Variants in TUT7 observed in about 807,000 individuals in gnomAD.
TUT7 encodes terminal uridylyltransferase 7.
A neutral mutation model predicts 165.9 loss-of-function variants in TUT7; 33 were observed. The observed-to-expected ratio is 0.20, with a 90% CI of 0.15 to 0.27. The LOEUF is 0.27. TUT7 is among the 10% of genes least tolerant of loss of function. The pLI, the probability that TUT7 is intolerant of heterozygous loss-of-function variation, is 1.00. For missense variants in TUT7, 1,338 were observed against 1,762.3 expected, an observed-to-expected ratio of 0.76 and a Z score of 4.31; for synonymous variants, 552 against 608.1, an observed-to-expected ratio of 0.91 and a Z score of 1.36.
At chr9:86,299,337 C>T (rs1158243218) in intron 26 of TUT7, among the ~76,000 whole-genome samples, 1 of 74,574 alleles carries the variant, frequency 1.3e-5, no homozygotes. Context: ...TGTTTTCAAA[C>T]TTTCACAGAG....
At position 86,331,552 on chromosome 9, in the gene TUT7, T is replaced by C. The variant is rs2131501642; in HGVS notation, c.1456-3060A>G. Reference sequence around the variant, plus strand: ...TGCAAACATTTACGATTGTTTTGTCTTCCCAATGAATTGACCCTACCCTAA... The same window carrying C: ...TGCAAACATTTACGATTGTTTTGTCCTCCCAATGAATTGACCCTACCCTAA... On this transcript the variant is annotated intron_variant, in intron 10 of 26. Coordinates refer to ENST00000375963, the MANE Select transcript of TUT7 (RefSeq NM_024617.4). 2.6e-5 allele frequency among the ~76,000 whole-genome samples: 4 copies of C among 152,338 alleles called. No homozygotes were observed. In the South Asian group the frequency reaches 8.3e-4, roughly 32 times the overall value.
chr9:86,298,914 AGCTGAAATAAG>A, intron 26 of TUT7: 1 of 638,340 alleles, frequency 1.6e-6, no homozygotes, highest in Non-Finnish European at 1.9e-6. Flanking sequence ...ATCCAAGGAG[AGCTGAAATAAG>A]GCATGTGGGT....
At chr9:86,345,809 A>G in intron 3 of TUT7, 24 bp from the exon 4 acceptor site, 1 of 1,494,590 alleles carries the variant, frequency 6.7e-7, no homozygotes, top group Admixed American at 1.8e-5. Flanking sequence ...AGATTTATTT[A>G]GAGAGAGACA....
chr9:86,326,050 C>T (rs890524730), intron 11 of TUT7, among the ~76,000 whole-genome samples: 4 of 152,232 alleles, frequency 2.6e-5, no homozygotes, highest in African/African-American at 7.2e-5. Context: ...ACTGGTTTTA[C>T]AGTTACAGAC....
At chr9:86,317,491 G>A (rs927723065) in intron 16 of TUT7, among the ~76,000 whole-genome samples, 1 of 152,042 alleles carries the variant, frequency 6.6e-6, no homozygotes, top group East Asian at 1.9e-4. Context: ...ATTGTTTTTG[G>A]GTGTGCAACA....
Position 86,323,529 on chromosome 9 carries a change from C to T in TUT7, c.2221G>A (p.Val741Ile), listed in dbSNP as rs934612334. 1.9e-6 allele frequency: 3 copies of T among 1,614,068 alleles called. No homozygotes were observed. Among genetic ancestry groups the T allele is most frequent in the African/African-American group, 2.7e-5 (2 of 74,926 alleles). ...TTCCTTCCTGTTTCTGGATGGTATA[C>T]TTTATCACCCTTGTAATCATCAGAG... is the stretch of plus-strand genomic sequence containing the variant. ...VNSDDYKGDK[V>I]YHPETGRKNE... The change falls in exon 13 of 27, where the codon GTA (valine) becomes ATA (isoleucine). Residue 741 changes from valine (V) to isoleucine (I), a missense_variant. By Grantham distance (29) the Val-to-Ile change is conservative (BLOSUM62 3). Around this residue, in one of 7 missense-constraint regions of TUT7, gnomAD observed 425 missense variants for 474.9 expected, o/e 0.89. Coordinates refer to ENST00000375963, the MANE Select transcript of TUT7 (RefSeq NM_024617.4).
intron 11 of TUT7, chr9:86,326,492 C>G (rs1199021891): frequency 1.3e-5 from 2 of 154,828 alleles, no homozygotes; most frequent in Non-Finnish European, 2.9e-5. Flanking sequence ...ATGATACCAC[C>G]TATAACACAG....
rs1827972983 is a variant in TUT7 at position 86,310,692 on chromosome 9, G to A, written c.3378+14C>T. 1 of 1,505,072 alleles carries A rather than the reference G, an allele frequency of 6.6e-7. No homozygotes were observed. Among genetic ancestry groups the A allele is most frequent in the African/African-American group, 1.4e-5 (1 of 72,406 alleles). 93.2% of individuals were successfully genotyped at this position (1,505,072 alleles called of 1,614,324 possible). A position where few individuals can be genotyped will look rare whatever the true frequency, so the allele number is the denominator to read the frequency against. ...CTTAACCTCTCTAAACAAAAAGCCT[G>A]AAAAAAATCTTACCAATGTGTTATA... On this transcript the variant is annotated intron_variant, in intron 18 of 26. Transcript: ENST00000375963.
rs775118718 is a variant in TUT7 at position 86,323,276 on chromosome 9, T to C, written c.2474A>G (p.Asp825Gly). 2.5e-6 allele frequency: 4 copies of C among 1,613,928 alleles called. No individual in the cohort carries two copies. The highest frequency in any genetic ancestry group is 1.3e-5 in the African/African-American group (1 of 74,870). Residue 825 changes from aspartate to glycine, a missense_variant, in exon 13 of 27, where the codon GAC (aspartate) becomes GGC (glycine). By Grantham distance (94) the Asp-to-Gly change is moderately conservative. Around this residue, in one of 7 missense-constraint regions of TUT7, gnomAD observed 425 missense variants for 474.9 expected, o/e 0.89. Coordinates refer to ENST00000375963, the MANE Select transcript of TUT7 (RefSeq NM_024617.4). ...TGAGTGGGTAAAGTGGTTTAGAGAG[T>C]CTTCTAGTTCCTCAGTACCTTCTGT... ...ESTEGTEELE[D>G]SLNHFTHSVQ...
At chr9:86,294,460 A>G (rs1826138864) in intron 26 of TUT7, among the ~76,000 whole-genome samples, 1 of 152,104 alleles carries the variant, frequency 6.6e-6, no homozygotes, top group Non-Finnish European at 1.5e-5. Context: ...CATGTAATTA[A>G]GAAGGAATCA....
At position 86,303,078 on chromosome 9, in the gene TUT7, T is replaced by G; in HGVS notation, c.4094+8A>C. 3 of 1,419,366 alleles carry G rather than the reference T, an allele frequency of 2.1e-6. No individual in the cohort carries two copies. Among genetic ancestry groups the G allele is most frequent in the Non-Finnish European group, 2.9e-6 (3 of 1,032,224 alleles). The allele number at this position is 1,419,366 out of a possible 1,614,324, so 87.9% of individuals were successfully genotyped here. A position where few individuals can be genotyped will look rare whatever the true frequency, so the allele number is the denominator to read the frequency against. ...AAACACAACCAACCCCTTTGAACAT[T>G]TACTTACTTTCTCCTCATAGGACAG... is the stretch of plus-strand genomic sequence containing the variant. On this transcript the variant is annotated splice_region_variant and intron_variant, in intron 25 of 26. Coordinates refer to ENST00000375963, the MANE Select transcript of TUT7 (RefSeq NM_024617.4).
intron 10 of TUT7, among the ~76,000 whole-genome samples, chr9:86,329,080 A>G (rs1830069857): frequency 6.6e-6 from 1 of 152,232 alleles, no homozygotes; most frequent in African/African-American, 2.4e-5. Flanking sequence ...AATTCTGGGT[A>G]TGCTGGACAT....
intron 22 of TUT7, 74 bp downstream of exon 22, chr9:86,308,355 C>T: frequency 1.5e-6 from 2 of 1,379,266 alleles, no homozygotes; most frequent in East Asian, 2.4e-5. Context: ...AAGAGCTCTG[C>T]AAGGAGGAAG....
Position 86,314,075 on chromosome 9 carries a change from A to G in TUT7, c.3274+3144T>C, listed in dbSNP as rs187850002. Reference sequence around the variant, plus strand: ...AATTGTTATTTCCACTTTAGAGATGAGGAACTGAGTGCTTGTTATGAAGCT... The same window carrying G: ...AATTGTTATTTCCACTTTAGAGATGGGGAACTGAGTGCTTGTTATGAAGCT... On this transcript the variant is annotated intron_variant, in intron 17 of 26. Transcript: ENST00000375963. Among the ~76,000 whole-genome samples the G allele has an allele frequency of 3.5e-4, 53 of 152,330 alleles. 1 individual carries two copies. The East Asian group carries it at 9.6e-3, about 28-fold the overall frequency.
rs150284569 is a variant in TUT7 at position 86,304,689 on chromosome 9, G to A, written c.3978+167C>T. ...CTCTCTATTCTGATGGCCTCTACCC[G>A]GGGATGTTTAAGAAAAAGGGGGGCT... is the stretch of plus-strand genomic sequence containing the variant. On this transcript the variant is annotated intron_variant, in intron 24 of 26. Coordinates refer to ENST00000375963, the MANE Select transcript of TUT7 (RefSeq NM_024617.4). Among the ~76,000 whole-genome samples the A allele has an allele frequency of 8.3e-4, 127 of 152,230 alleles. 1 individual carries two copies. In the East Asian group the frequency reaches 0.021, roughly 25 times the overall value.
intron 11 of TUT7, 42 bp downstream of exon 11, chr9:86,328,298 T>C (rs561239774): frequency 7.9e-6 from 12 of 1,510,918 alleles, no homozygotes; most frequent in African/African-American, 4.3e-5. Flanking sequence ...AACTTCACAA[T>C]TGGCAAGTGA....
intron 25 of TUT7, among the ~76,000 whole-genome samples, chr9:86,302,101 T>A (rs1050350589): frequency 3.9e-5 from 6 of 152,194 alleles, no homozygotes; most frequent in Non-Finnish European, 8.8e-5. Flanking sequence ...AAAAAAGGAC[T>A]GAAAAACAAA....
chr9:86,312,712 CCGTGTCTGT>C (rs1372428763), intron 17 of TUT7, among the ~76,000 whole-genome samples: 2 of 152,168 alleles, frequency 1.3e-5, no homozygotes, highest in Non-Finnish European at 2.9e-5. Flanking sequence ...CGGATGGTTG[CCGTGTCTGT>C]GTAGAAAGAG....
intron 13 of TUT7, among the ~76,000 whole-genome samples, 171 bp downstream of exon 13, chr9:86,322,702 T>A (rs700768): frequency 0.24 from 36,708 of 152,124 alleles, 5,985 homozygotes; most frequent in Non-Finnish European, 0.34. Flanking sequence ...CCTCTGCTAA[T>A]TCCCATGAGT....
Sources: gnomAD v4.1 joint callset for allele counts (sites outside exome capture counted in the v4.1 genomes callset) on GRCh38, gnomAD v4.1.1 for gene constraint, gnomAD v4.1.1 regional missense constraint, MANE v1.5 for transcripts, NCBI Gene and HGNC (gene_info 2026-07-23, HGNC 2026-07-21) for gene names.